The following NEMF variants were observed in gnomAD, a reference collection of about 807,000 sequenced individuals.
NEMF encodes nuclear export mediator factor, also known as ribosome quality control complex subunit NEMF.
In NEMF, 89 loss-of-function variants were observed where a neutral mutation model predicts 162.2. The observed-to-expected ratio is 0.55, with a 90% CI of 0.46 to 0.65. The LOEUF (loss-of-function observed/expected upper bound fraction) is 0.65, where lower values mean the gene tolerates loss of function less well. Ranked by LOEUF, NEMF falls within the 30% of genes least tolerant of loss-of-function variation. The pLI is 0.00. For missense variants in NEMF, 1,133 were observed against 1,261.9 expected (o/e 0.90, Z 1.55); for synonymous variants, 421 against 404.5 (o/e 1.04, Z -0.49).
intron 7 of NEMF, 116 bp downstream of exon 7, chr14:49,834,247 T>C: frequency 1.5e-6 from 1 of 672,534 alleles, no homozygotes; most frequent in East Asian, 2.9e-5. Context: ...TGAGCCAGTG[T>C]GCCTGGTCAA....
intron 16 of NEMF, among the ~76,000 whole-genome samples, chr14:49,822,621 G>C (rs995672321): frequency 2.3e-5 from 3 of 130,722 alleles, no homozygotes; most frequent in Non-Finnish European, 3.1e-5. Flanking sequence ...CTTGAGCCCA[G>C]GAGTTCGAGA....
intron 26 of NEMF, 124 bp from the exon 27 acceptor site, chr14:49,789,697 A>G (rs1294438450): frequency 2.4e-5 from 31 of 1,304,772 alleles, no homozygotes; most frequent in Non-Finnish European, 3.0e-5. Context: ...AGGCACCATT[A>G]TAATAAACAA....
intron 22 of NEMF, 73 bp downstream of exon 22, chr14:49,802,380 C>T: frequency 6.7e-7 from 1 of 1,492,128 alleles, no homozygotes; most frequent in East Asian, 2.3e-5. Context: ...GAGACATGAT[C>T]TTCTAAGGAT....
chr14:49,852,436 A>G (rs1893825318), intron 1 of NEMF, among the ~76,000 whole-genome samples: 1 of 152,228 alleles, frequency 6.6e-6, no homozygotes. Context: ...CCAGGCCAAC[A>G]ATGCAAGAGC....
chr14:49,805,290 T>A (rs1232912821), intron 19 of NEMF, among the ~76,000 whole-genome samples: 1 of 152,132 alleles, frequency 6.6e-6, no homozygotes, highest in African/African-American at 2.4e-5. Flanking sequence ...AAGTACATCA[T>A]CATCAATTAT....
At chr14:49,848,791 C>T (rs1344879165) in intron 3 of NEMF, among the ~76,000 whole-genome samples, 14 of 146,090 alleles carry the variant, frequency 9.6e-5, no homozygotes, top group African/African-American at 3.1e-4. Context: ...GCCAAGACTG[C>T]GCCACTGCCC....
chr14:49,782,787 CAGTAAAGTGAAATTACTT>C lies in NEMF; in HGVS notation c.*1831_*1848del. 6.3e-7 allele frequency: 1 copy of C among 1,594,716 alleles called. No homozygotes were observed. The highest frequency in any genetic ancestry group is 8.5e-7 in the Non-Finnish European group (1 of 1,170,814). On this transcript the variant is annotated 3_prime_UTR_variant, in exon 33 of 33. Transcript: ENST00000298310. Reference sequence around the variant, plus strand: ...TTTTTCAAGTGAATGTACTTCCAAACAGTAAAGTGAAATTACTTTTCTCTTTCCTTGTCCACTTTCAGG... The same window carrying C: ...TTTTTCAAGTGAATGTACTTCCAAACTTCTCTTTCCTTGTCCACTTTCAGG...
intron 16 of NEMF, among the ~76,000 whole-genome samples, chr14:49,822,244 CT>C (rs1892104630): frequency 6.6e-6 from 1 of 150,892 alleles, no homozygotes; most frequent in Non-Finnish European, 1.5e-5. Context: ...TCCTATGACC[CT>C]GCCAAATCCC....
chr14:49,830,476 C>T (rs551998194), intron 11 of NEMF, among the ~76,000 whole-genome samples: 88 of 152,274 alleles, frequency 5.8e-4, no homozygotes, highest in South Asian at 2.3e-3. Context: ...TCATTGCAAC[C>T]TCCGCCTCCC....
chr14:49,837,557 T>C (rs147869764), intron 6 of NEMF, among the ~76,000 whole-genome samples: 1 of 152,034 alleles, frequency 6.6e-6, no homozygotes, highest in Admixed American at 6.6e-5. Flanking sequence ...GGCTTAAACA[T>C]ACAAATTTTA....
At chr14:49,807,641 G>A (rs1052845903) in intron 18 of NEMF, among the ~76,000 whole-genome samples, 3 of 136,106 alleles carry the variant, frequency 2.2e-5, no homozygotes, top group Admixed American at 1.7e-4. Context: ...TTTTCACCCC[G>A]GCTGGAGTGC....
intron 4 of NEMF, among the ~76,000 whole-genome samples, chr14:49,843,454 A>G (rs1893315604): frequency 6.6e-6 from 1 of 152,194 alleles, no homozygotes; most frequent in African/African-American, 2.4e-5. Context: ...TGATCATGCC[A>G]CTGAATTCCA....
At chr14:49,799,717 A>C (rs752143394) in intron 23 of NEMF, 39 bp from the exon 24 acceptor site, 3 of 1,523,808 alleles carry the variant, frequency 2.0e-6, no homozygotes, top group Non-Finnish European at 2.7e-6. Context: ...ACTAGCCTGT[A>C]AAAGACATGC....
Position 49,851,587 on chromosome 14 carries a change from C to G in NEMF, c.207G>C (p.Met69Ile). 1.2e-6 allele frequency: 2 copies of G among 1,613,310 alleles called. No homozygotes were observed. Among genetic ancestry groups the G allele is most frequent in the Non-Finnish European group, 1.7e-6 (2 of 1,179,422 alleles). ...HTTEFEWPKN[M>I]MPSSFAMKCR... ...CCTTCATGGCAAAACTAGACGGCAT[C>G]ATATTCTTAGGCCACTCAAATTCTG... Residue 69 changes from methionine to isoleucine, a missense_variant, in exon 3 of 33, where the codon ATG becomes ATC. By Grantham distance (10) the Met-to-Ile change is conservative (BLOSUM62 1). Around this residue, in one of 3 missense-constraint regions of NEMF, gnomAD observed 582 missense variants for 631.5 expected, o/e 0.92. Transcript: ENST00000298310.
chr14:49,840,424 T>C (rs752006619), intron 5 of NEMF, among the ~76,000 whole-genome samples: 8 of 150,380 alleles, frequency 5.3e-5, no homozygotes, highest in Non-Finnish European at 8.8e-5. Context: ...ATCGTGCCAC[T>C]GCACTCCAGC....
intron 7 of NEMF, 196 bp downstream of exon 7, chr14:49,834,167 T>G (rs963089948): frequency 6.8e-6 from 4 of 588,466 alleles, no homozygotes; most frequent in South Asian, 5.2e-5. Context: ...CACCACCCAC[T>G]GCAGCCTCAA....
In NEMF at chr14:49,782,272, T is replaced by TA; in HGVS notation, c.*2363dup. The TA allele has an allele frequency of 1.3e-6, 1 of 747,968 alleles. No individual in the cohort carries two copies. Among genetic ancestry groups the TA allele is most frequent in the Non-Finnish European group, 2.2e-6 (1 of 448,894 alleles). 46.3% of individuals were successfully genotyped at this position (747,968 alleles called of 1,614,324 possible). A position where few individuals can be genotyped will look rare whatever the true frequency, so the allele number is the denominator to read the frequency against. On this transcript the variant is annotated 3_prime_UTR_variant, in exon 33 of 33. Transcript: ENST00000298310. The stretch of plus-strand genomic sequence containing the variant: ...CATGATGTTTTGGTCTGAACTACCT[T>TA]AAGATCGCTAGTCTTTATTTCATAG...
intron 4 of NEMF, among the ~76,000 whole-genome samples, chr14:49,842,754 C>G (rs1381189886): frequency 6.6e-6 from 1 of 152,186 alleles, no homozygotes; most frequent in African/African-American, 2.4e-5. Context: ...CGCCTGTAAT[C>G]CCAGCACTTT....
chr14:49,844,672 C>T (rs1003504636), intron 4 of NEMF: 2 of 166,514 alleles, frequency 1.2e-5, no homozygotes, highest in Non-Finnish European at 2.7e-5. Context: ...TTATGCTTAC[C>T]TCAGACCAGA....
Sources: allele counts gnomAD v4.1 joint callset (sites outside exome capture counted in the v4.1 genomes callset), GRCh38; gene constraint gnomAD v4.1.1; regional missense constraint gnomAD v4.1.1; transcripts MANE v1.5; gene names NCBI Gene and HGNC (gene_info 2026-07-23, HGNC 2026-07-21).